ZNHIT6: variants seen among roughly 807,000 people sequenced by gnomAD.
The protein encoded by ZNHIT6 is zinc finger HIT-type containing 6.
ZNHIT6 carries 45 observed loss-of-function variants against 57.2 expected under a neutral mutation model. That is an observed-to-expected ratio of 0.79 (90% CI 0.62 to 1.01). The LOEUF (loss-of-function observed/expected upper bound fraction) is 1.01. Among genes scored for constraint, ZNHIT6 ranks in the 50% least tolerant of loss-of-function variants. The pLI, the probability that ZNHIT6 is intolerant of heterozygous loss-of-function variation, is 0.00. For missense variants in ZNHIT6, 528 were observed against 567.3 expected, an observed-to-expected ratio of 0.93 and a Z score of 0.70; for synonymous variants, 188 against 190.0, an observed-to-expected ratio of 0.99 and a Z score of 0.09.
chr1:85,677,449 T>C, intron 7 of ZNHIT6, 136 bp from the exon 8 acceptor site: 1 of 590,374 alleles, frequency 1.7e-6, no homozygotes, highest in Non-Finnish European at 2.7e-6. Flanking sequence ...GATAAAGATG[T>C]TTTCTAACCA....
chr1:85,700,944 T>C (rs1452167102), intron 5 of ZNHIT6, among the ~76,000 whole-genome samples: 2 of 152,172 alleles, frequency 1.3e-5, no homozygotes, highest in Non-Finnish European at 2.9e-5. Context: ...GTAGCTGGGA[T>C]CACAGGTGGG....
At chr1:85,691,037 T>G (rs974630968) in intron 5 of ZNHIT6, among the ~76,000 whole-genome samples, 4 of 151,886 alleles carry the variant, frequency 2.6e-5, no homozygotes, top group African/African-American at 9.7e-5. Flanking sequence ...AAAAAACAAG[T>G]TCTGCTGGTC....
intron 5 of ZNHIT6, among the ~76,000 whole-genome samples, chr1:85,687,308 A>AAAAAAAAAAAC (rs1662088814): frequency 6.9e-6 from 1 of 145,142 alleles, no homozygotes; most frequent in African/African-American, 2.5e-5. Context: ...ACAAAAAAAA[A>AAAAAAAAAAAC]AAACAATTTA....
At chr1:85,679,361 T>C (rs1441875579) in intron 6 of ZNHIT6, among the ~76,000 whole-genome samples, 2 of 152,138 alleles carry the variant, frequency 1.3e-5, no homozygotes, top group Middle Eastern at 3.2e-3. Flanking sequence ...ATATATACTA[T>C]TGGCTACATA....
chr1:85,689,328 A>G (rs564584051), intron 5 of ZNHIT6, among the ~76,000 whole-genome samples: 86 of 152,282 alleles, frequency 5.6e-4, no homozygotes, highest in Middle Eastern at 6.8e-3. Flanking sequence ...TCAAAAATAA[A>G]TGGAATCATT....
chr1:85,704,009 A>G (rs1044357746), intron 4 of ZNHIT6, among the ~76,000 whole-genome samples: 1 of 152,196 alleles, frequency 6.6e-6, no homozygotes, highest in Non-Finnish European at 1.5e-5. Context: ...AATGGCCAAT[A>G]AAGTATTTGA....
At chr1:85,683,784 A>G (rs192938066) in intron 5 of ZNHIT6, among the ~76,000 whole-genome samples, 88 of 152,248 alleles carry the variant, frequency 5.8e-4, no homozygotes, top group African/African-American at 2.1e-3. Context: ...AATCACTAAG[A>G]CAGAGCAGGG....
chr1:85,671,933 A>T (rs1488959594), intron 8 of ZNHIT6, among the ~76,000 whole-genome samples: 1 of 152,206 alleles, frequency 6.6e-6, no homozygotes. Flanking sequence ...ATTATAATAA[A>T]TGTACTATTT....
In ZNHIT6 at chr1:85,653,510, T is replaced by C. The variant is rs1424347163; in HGVS notation, c.*548A>G. 6.6e-6 allele frequency: 1 copy of C among 152,062 alleles called. No homozygotes were observed. The highest frequency in any genetic ancestry group is 2.4e-5 in the African/African-American group (1 of 41,410). The allele number at this position is 152,062 out of a possible 1,614,324, so 9.4% of individuals were successfully genotyped here. A position where few individuals can be genotyped will look rare whatever the true frequency, so the allele number is the denominator to read the frequency against. ...GGCCAGGTGTGGTGGCTGATGCCTG[T>C]AATCCCAATGCTTTGGAGTCTGAGG... On this transcript the variant is annotated 3_prime_UTR_variant, in exon 10 of 10. Coordinates refer to ENST00000370574, the MANE Select transcript of ZNHIT6 (RefSeq NM_017953.4).
At chr1:85,704,486 A>G (rs1261711286) in intron 4 of ZNHIT6, among the ~76,000 whole-genome samples, 1 of 152,188 alleles carries the variant, frequency 6.6e-6, no homozygotes, top group Non-Finnish European at 1.5e-5. Context: ...AACTTCTGGG[A>G]AGCCAGTAAT....
intron 5 of ZNHIT6, among the ~76,000 whole-genome samples, chr1:85,688,125 A>C (rs1401534000): frequency 2.0e-5 from 3 of 152,242 alleles, no homozygotes; most frequent in African/African-American, 7.2e-5. Context: ...AAGTAGCAAT[A>C]GTAAATAACA....
rs1662759305 is a variant in ZNHIT6, at chr1:85,708,356, T to C, written c.-72A>G. The stretch of plus-strand genomic sequence containing the variant: ...GCTGCTGCACACCAATAGGAGGAAT[T>C]ACCGGTCGGAATACCTACGGCGGCC... On this transcript the variant is annotated 5_prime_UTR_variant, in exon 1 of 10. Coordinates refer to ENST00000370574, the MANE Select transcript of ZNHIT6 (RefSeq NM_017953.4). The C allele has an allele frequency of 1.3e-6, 2 of 1,512,248 alleles. No homozygotes were observed. The highest frequency in any genetic ancestry group is 1.4e-5 in the African/African-American group (1 of 72,666). 93.7% of individuals were successfully genotyped at this position (1,512,248 alleles called of 1,614,324 possible).
At chr1:85,687,555 A>G (rs1271072932) in intron 5 of ZNHIT6, among the ~76,000 whole-genome samples, 1 of 152,104 alleles carries the variant, frequency 6.6e-6, no homozygotes, top group African/African-American at 2.4e-5. Flanking sequence ...CAGTGAATTG[A>G]AGGGCTTACA....
At chr1:85,683,510 A>T (rs948001360) in intron 5 of ZNHIT6, among the ~76,000 whole-genome samples, 74 of 151,952 alleles carry the variant, frequency 4.9e-4, no homozygotes, top group South Asian at 2.1e-4. Context: ...GCGACAGAGC[A>T]AGATTCCGTC....
chr1:85,691,397 A>G (rs138057693), intron 5 of ZNHIT6, among the ~76,000 whole-genome samples: 3 of 152,188 alleles, frequency 2.0e-5, no homozygotes, highest in Middle Eastern at 3.2e-3. Flanking sequence ...TTCAAATGAG[A>G]GGGGGATAAG....
intron 8 of ZNHIT6, among the ~76,000 whole-genome samples, chr1:85,675,378 C>T (rs942913033): frequency 6.6e-6 from 1 of 152,116 alleles, no homozygotes; most frequent in Non-Finnish European, 1.5e-5. Context: ...CAAAGAGGAT[C>T]GAAGTTGTCA....
rs1660915454 is a variant in ZNHIT6, at chr1:85,651,687, C to T, written c.*2371G>A. ...AAAGAAAACCAGGTGGAGCTTTTCT[C>T]CTTTTAAAATGTGATTCATGAACAA... On this transcript the variant is annotated 3_prime_UTR_variant, in exon 10 of 10. Coordinates refer to ENST00000370574, the MANE Select transcript of ZNHIT6 (RefSeq NM_017953.4). 6.6e-6 allele frequency: 1 copy of T among 152,112 alleles called. No individual in the cohort carries two copies. Among genetic ancestry groups the T allele is most frequent in the African/African-American group, 2.4e-5 (1 of 41,438 alleles). 9.4% of individuals were successfully genotyped at this position (152,112 alleles called of 1,614,324 possible).
intron 8 of ZNHIT6, among the ~76,000 whole-genome samples, chr1:85,663,263 T>C (rs1190480718): frequency 6.6e-6 from 1 of 152,166 alleles, no homozygotes; most frequent in Non-Finnish European, 1.5e-5. Context: ...TTATCAGGAA[T>C]TATATTTATG....
chr1:85,692,411 C>G (rs1662245906), intron 5 of ZNHIT6, among the ~76,000 whole-genome samples: 1 of 152,174 alleles, frequency 6.6e-6, no homozygotes, highest in African/African-American at 2.4e-5. Context: ...TAAGTAGAGG[C>G]CCAATTGGGG....
Sources: allele counts gnomAD v4.1 joint callset (sites outside exome capture counted in the v4.1 genomes callset), GRCh38; gene constraint gnomAD v4.1.1; transcripts MANE v1.5; gene names NCBI Gene and HGNC (gene_info 2026-07-23, HGNC 2026-07-21).